L3MBTL1: variants seen among roughly 807,000 people sequenced by gnomAD.
L3MBTL1 encodes lethal(3)malignant brain tumor-like protein 1.
A neutral mutation model predicts 105.3 loss-of-function variants in L3MBTL1; 75 were observed. That is an observed-to-expected ratio of 0.71 (90% confidence interval 0.59 to 0.86). The LOEUF (loss-of-function observed/expected upper bound fraction) is 0.86. Among genes scored for constraint, L3MBTL1 ranks in the 40% least tolerant of loss-of-function variants. L3MBTL1 has a pLI of 0.00. For missense variants in L3MBTL1, 1,069 were observed against 1,126.4 expected, an observed-to-expected ratio of 0.95 and a Z score of 0.73; for synonymous variants, 452 against 436.2, an observed-to-expected ratio of 1.04 and a Z score of -0.45.
chr20:43,545,871 T>C (rs1009354543), downstream of L3MBTL1, among the ~76,000 whole-genome samples: 5 of 152,166 alleles, frequency 3.3e-5, no homozygotes, highest in Admixed American at 6.5e-5. Flanking sequence ...GGGACAGATA[T>C]ATGGGGTTCA....
chr20:43,523,953 C>T (rs1269959169), intron 7 of L3MBTL1, among the ~76,000 whole-genome samples: 1 of 150,312 alleles, frequency 6.7e-6, no homozygotes, highest in Admixed American at 6.6e-5. Context: ...TGAGATCGTG[C>T]CACTGCACTC....
intron 1 of L3MBTL1, among the ~76,000 whole-genome samples, chr20:43,511,927 C>T (rs1387952558): frequency 1.3e-5 from 2 of 151,872 alleles, no homozygotes; most frequent in Non-Finnish European, 2.9e-5. Flanking sequence ...AGGGCAAAGG[C>T]TGTGAGTGGG....
At chr20:43,510,701 G>A (rs2018112007) in intron 1 of L3MBTL1, among the ~76,000 whole-genome samples, 3 of 151,876 alleles carry the variant, frequency 2.0e-5, no homozygotes, top group African/African-American at 7.3e-5. Context: ...AGAGGCGTGA[G>A]CCACTGCGCC....
At chr20:43,516,775 T>TC (rs976051441) in intron 7 of L3MBTL1, among the ~76,000 whole-genome samples, 8 of 152,010 alleles carry the variant, frequency 5.3e-5, no homozygotes, top group African/African-American at 1.9e-4. Flanking sequence ...TTTTTTTTTT[T>TC]CTTTTTTAAA....
In L3MBTL1 at chr20:43,530,311, T is replaced by G; in HGVS notation, c.1084T>G (p.Phe362Val). The G allele has an allele frequency of 6.2e-7, 1 of 1,614,076 alleles. No individual in the cohort carries two copies. Residue 362 changes from phenylalanine (F) to valine (V), a missense_variant, in exon 10 of 22, where the codon TTT (phenylalanine) becomes GTT (valine). Physicochemically the swap from Phe to Val is conservative, Grantham distance 50. Coordinates refer to ENST00000418998, the MANE Select transcript of L3MBTL1 (RefSeq NM_001377303.1). Reference protein sequence around the residue: ...EVCGYRLRLHFDGYSECHDFW... With the variant: ...EVCGYRLRLHVDGYSECHDFW... ...ATGTGGCTATCGCCTACGCCTGCAC[T>G]TTGATGGGTATTCTGAGTGCCATGA...
chr20:43,542,993 C>T (rs1156672827), downstream of L3MBTL1, among the ~76,000 whole-genome samples: 1 of 152,060 alleles, frequency 6.6e-6, no homozygotes, highest in Non-Finnish European at 1.5e-5. Context: ...TTAAGTTTGC[C>T]CTAGCTTTAT....
Position 43,534,901 on chromosome 20 carries a change from G to T in L3MBTL1, c.1784G>T (p.Gly595Val). 2.5e-6 allele frequency: 4 copies of T among 1,608,326 alleles called. No homozygotes were observed. In the South Asian group the frequency reaches 3.3e-5, roughly 13 times the overall value. ...DADHPDIHPA[G>V]WCSKTGHPLQ... ...GACCACCCAGACATCCACCCTGCCGGCTGGTGCTCCAAGACAGGACATCCC... is the reference window on the plus strand; with the variant it reads ...GACCACCCAGACATCCACCCTGCCGTCTGGTGCTCCAAGACAGGACATCCC... The change falls in exon 16 of 22, where the codon GGC (glycine) becomes GTC (valine). Residue 595 changes from glycine (G) to valine (V), a missense_variant. Gly to Val is a moderately radical substitution (Grantham distance 109). Transcript: ENST00000418998.
chr20:43,548,917 C>T (rs1156947914), exon 19 of L3MBTL1: 1 of 152,264 alleles, frequency 6.6e-6, no homozygotes, highest in Non-Finnish European at 1.5e-5. Flanking sequence ...GCCAAGATGC[C>T]TTCCTGAACT....
rs770760224 is a variant in L3MBTL1, at chr20:43,515,157, G to A, written c.651G>A (p.Glu217=). The A allele has an allele frequency of 6.2e-7, 1 of 1,614,158 alleles. No individual in the cohort carries two copies. Among genetic ancestry groups the A allele is most frequent in the South Asian group, 1.1e-5 (1 of 91,076 alleles). The part of the protein sequence containing the change: ...SNDGCPQLFQ[E]RSVIVENSSG... Reference sequence around the variant, plus strand: ...ATGGCTGCCCTCAGCTGTTCCAGGAGCGGTAAGGGGAGGAGGTCGCAGCCC... The same window carrying A: ...ATGGCTGCCCTCAGCTGTTCCAGGAACGGTAAGGGGAGGAGGTCGCAGCCC... The change falls in exon 5 of 22, where the codon GAG becomes GAA. Residue 217 remains glutamate (E), a splice_region_variant and synonymous_variant. Coordinates refer to ENST00000418998, the MANE Select transcript of L3MBTL1 (RefSeq NM_001377303.1).
chr20:43,548,740 G>A (rs1978794550), exon 19 of L3MBTL1: 1 of 152,520 alleles, frequency 6.6e-6, no homozygotes, highest in Middle Eastern at 3.4e-3. Flanking sequence ...CTGTCTGCTG[G>A]TTTTGCTGCC....
chr20:43,536,483 T>C (rs772695645), intron 19 of L3MBTL1, 25 bp downstream of exon 19: 3 of 1,612,718 alleles, frequency 1.9e-6, no homozygotes, highest in East Asian at 4.5e-5. Context: ...TCTGCTCCTA[T>C]GTCCTCCACC....
chr20:43,541,221 C>G lies in L3MBTL1; in HGVS notation c.*93C>G. On this transcript the variant is annotated 3_prime_UTR_variant, in exon 22 of 22. Transcript: ENST00000418998. Reference sequence around the variant, plus strand: ...TTGTGATTTACTGCAAGGATCCTAACACACACTTAAAATCAAGAGCCAAGG... The same window carrying G: ...TTGTGATTTACTGCAAGGATCCTAAGACACACTTAAAATCAAGAGCCAAGG... 6.5e-7 allele frequency: 1 copy of G among 1,527,668 alleles called. No individual in the cohort carries two copies. The highest frequency in any genetic ancestry group is 8.8e-7 in the Non-Finnish European group (1 of 1,139,658). The allele number at this position is 1,527,668 out of a possible 1,614,324, so 94.6% of individuals were successfully genotyped here.
chr20:43,521,163 C>G (rs2018686530), intron 7 of L3MBTL1, among the ~76,000 whole-genome samples: 1 of 152,136 alleles, frequency 6.6e-6, no homozygotes, highest in South Asian at 2.1e-4. Flanking sequence ...TAATCATGCT[C>G]TATAGGAGAG....
At chr20:43,510,403 TTTC>T (rs1180082838) in intron 1 of L3MBTL1, among the ~76,000 whole-genome samples, 18 of 82,966 alleles carry the variant, frequency 2.2e-4, no homozygotes, top group South Asian at 8.2e-4. Context: ...TCTTTCTTTC[TTTC>T]TTTTTTTTTT....
chr20:43,528,700 A>G lies in L3MBTL1; in HGVS notation c.906A>G (p.Leu302=). The G allele has an allele frequency of 6.2e-7, 1 of 1,614,146 alleles. No individual in the cohort carries two copies. The highest frequency in any genetic ancestry group is 8.5e-7 in the Non-Finnish European group (1 of 1,179,988). ...KKECWSWESY[L]EEQKAITAPV... ...AATGCTGGTCGTGGGAGTCCTACCTAGAGGAGCAGAAGGCCATTACTGCTC... is the reference window on the plus strand; with the variant it reads ...AATGCTGGTCGTGGGAGTCCTACCTGGAGGAGCAGAAGGCCATTACTGCTC... The change falls in exon 8 of 22, where the codon CTA becomes CTG. Residue 302 remains leucine (L), a synonymous_variant. Transcript: ENST00000418998.
chr20:43,513,661 G>A, intron 2 of L3MBTL1, 22 bp downstream of exon 2: 1 of 1,550,538 alleles, frequency 6.4e-7, no homozygotes, highest in East Asian at 2.4e-5. Context: ...TAGGGTAGGA[G>A]TCTGGGAAGG....
At chr20:43,540,372 G>C in intron 20 of L3MBTL1, 64 bp downstream of exon 20, 4 of 1,579,938 alleles carry the variant, frequency 2.5e-6, no homozygotes, top group Non-Finnish European at 3.4e-6. Flanking sequence ...CCATACCCTG[G>C]TGGAAAGGCC....
chr20:43,528,530 G>C (rs1454753283), intron 7 of L3MBTL1, 127 bp from the exon 8 acceptor site: 2 of 693,212 alleles, frequency 2.9e-6, no homozygotes, highest in Non-Finnish European at 5.2e-6. Flanking sequence ...GGTGGGACCA[G>C]AGGGTACATG....
At chr20:43,513,355 C>A in intron 1 of L3MBTL1, 121 bp from the exon 2 acceptor site, 1 of 987,550 alleles carries the variant, frequency 1.0e-6, no homozygotes, top group Non-Finnish European at 1.5e-6. Flanking sequence ...AGGCCTTTCT[C>A]TGCAGGTCAC....
Sources: gnomAD v4.1 joint callset for allele counts (sites outside exome capture counted in the v4.1 genomes callset) on GRCh38, gnomAD v4.1.1 for gene constraint, MANE v1.5 for transcripts, NCBI Gene and HGNC (gene_info 2026-07-23, HGNC 2026-07-21) for gene names.